Variants in CSK observed in about 807,000 individuals in gnomAD.
CSK encodes the protein C-terminal Src kinase.
In CSK, 7 loss-of-function variants were observed where a neutral mutation model predicts 62.3. The observed-to-expected ratio is 0.11, with a 90% CI of 0.06 to 0.21. The LOEUF (loss-of-function observed/expected upper bound fraction) is 0.21, where lower values mean the gene tolerates loss of function less well. Ranked by LOEUF, CSK falls within the 10% of genes least tolerant of loss-of-function variation. The probability of loss-of-function intolerance (pLI) is 1.00; values close to 1 mark genes in which losing one functional copy is unlikely to be tolerated. For synonymous variants in CSK, 237 were observed against 246.0 expected, an observed-to-expected ratio of 0.96 and a Z score of 0.34; for missense variants, 294 against 613.5, an observed-to-expected ratio of 0.48 and a Z score of 5.50.
chr15:74,786,255 A>G (rs2063521637), intron 1 of CSK, among the ~76,000 whole-genome samples: 1 of 151,984 alleles, frequency 6.6e-6, no homozygotes, highest in Admixed American at 6.6e-5. Flanking sequence ...TCCTGACCTC[A>G]GGTGATCCAC....
chr15:74,801,412 CCT>C (rs2063790770), intron 9 of CSK, 108 bp from the exon 10 acceptor site: 1 of 1,077,410 alleles, frequency 9.3e-7, no homozygotes, highest in East Asian at 2.5e-5. Flanking sequence ...CCACTCCTTC[CCT>C]GTCTCACACC....
At chr15:74,794,764 A>G (rs998088146) in intron 1 of CSK, among the ~76,000 whole-genome samples, 4 of 152,092 alleles carry the variant, frequency 2.6e-5, no homozygotes, top group East Asian at 1.9e-4. Flanking sequence ...AGGCCTGACT[A>G]TAGAGCCAGG....
At chr15:74,795,558 C>G (rs1320544617) in intron 1 of CSK, among the ~76,000 whole-genome samples, 1 of 152,162 alleles carries the variant, frequency 6.6e-6, no homozygotes, top group African/African-American at 2.4e-5. Flanking sequence ...AACAGTAGTT[C>G]CAGCCCCTCT....
chr15:74,799,898 G>C (rs1256351682), intron 5 of CSK, among the ~76,000 whole-genome samples: 1 of 152,164 alleles, frequency 6.6e-6, no homozygotes, highest in Non-Finnish European at 1.5e-5. Context: ...CGCCTTGATC[G>C]CCAGGGCCCC....
intron 1 of CSK, among the ~76,000 whole-genome samples, chr15:74,791,978 G>A (rs2063628430): frequency 6.6e-6 from 1 of 152,204 alleles, no homozygotes; most frequent in Non-Finnish European, 1.5e-5. Context: ...TGGAAGCTGT[G>A]TCTGTTCTGC....
chr15:74,797,299 TAATCCCA>T (rs1231027075), intron 1 of CSK, among the ~76,000 whole-genome samples: 2 of 152,308 alleles, frequency 1.3e-5, no homozygotes, highest in Non-Finnish European at 2.9e-5. Context: ...CTGGCACCTG[TAATCCCA>T]GCATTTTGGG....
At chr15:74,786,013 T>TTTGTGTGTGTGTGTGTG in intron 1 of CSK, among the ~76,000 whole-genome samples, 1 of 47,816 alleles carries the variant, frequency 2.1e-5, no homozygotes, top group African/African-American at 6.7e-5. Context: ...TTTTTTTTTT[T>TTTGTGTGTGTGTGTGTG]TGTGTGTGTG....
chr15:74,789,761 C>T (rs2141791754), intron 1 of CSK, among the ~76,000 whole-genome samples: 1 of 152,336 alleles, frequency 6.6e-6, no homozygotes, highest in African/African-American at 2.4e-5. Context: ...CTTCTAGCTC[C>T]TGCTCCCCTC....
chr15:74,802,548 G>A lies in CSK; in HGVS notation c.*35G>A. 6.2e-7 allele frequency: 1 copy of A among 1,601,976 alleles called. No individual in the cohort carries two copies. The highest frequency in any genetic ancestry group is 8.5e-7 in the Non-Finnish European group (1 of 1,176,976). On this transcript the variant is annotated 3_prime_UTR_variant, in exon 13 of 13. Transcript: ENST00000220003. Reference sequence around the variant, plus strand: ...TCCGCCTGGGTCATGGGCCTGTGGGGACTGAACCTGGAAGATCATGGACCT... The same window carrying A: ...TCCGCCTGGGTCATGGGCCTGTGGGAACTGAACCTGGAAGATCATGGACCT...
chr15:74,787,286 A>G (rs2076705268), intron 1 of CSK, among the ~76,000 whole-genome samples: 1 of 152,184 alleles, frequency 6.6e-6, no homozygotes, highest in South Asian at 2.1e-4. Context: ...GGGAGAAGTG[A>G]GCAGGGAGAG....
intron 1 of CSK, among the ~76,000 whole-genome samples, chr15:74,797,247 CATT>C (rs1412989459): frequency 6.6e-6 from 1 of 152,166 alleles, no homozygotes; most frequent in Non-Finnish European, 1.5e-5. Context: ...GCCTAGCCAT[CATT>C]ATGTTTTGAA....
At position 74,794,593 on chromosome 15, in the gene CSK, G is replaced by A. The variant is rs894195410; in HGVS notation, c.-65-3640G>A. On this transcript the variant is annotated intron_variant, in intron 1 of 12. Coordinates refer to ENST00000220003, the MANE Select transcript of CSK (RefSeq NM_004383.3). ...GAAGCTCTTTCATCCAGGGGATGGG[G>A]CAGGGGCGCACCAGACATTTCCAAG... is the stretch of plus-strand genomic sequence containing the variant. 2.6e-5 allele frequency among the ~76,000 whole-genome samples: 4 copies of A among 152,136 alleles called. No individual in the cohort carries two copies. In the East Asian group the frequency reaches 5.8e-4, roughly 22 times the overall value.
At chr15:74,801,493 T>C (rs371737390) in intron 9 of CSK, 29 bp from the exon 10 acceptor site, 49 of 1,599,730 alleles carry the variant, frequency 3.1e-5, no homozygotes, top group Non-Finnish European at 4.0e-5. Flanking sequence ...ACGTCTGACC[T>C]CGGCCTGGTC....
intron 1 of CSK, among the ~76,000 whole-genome samples, chr15:74,787,647 C>CACCCTCCAACCGCAGCT (rs1294308443): frequency 1.3e-5 from 2 of 152,152 alleles, no homozygotes; most frequent in African/African-American, 4.8e-5. Context: ...GCTGTGCACA[C>CACCCTCCAACCGCAGCT]ACCCTCCAAC....
Position 74,802,718 on chromosome 15 carries a change from A to C in CSK, c.*205A>C, listed in dbSNP as rs2063812441. ...TGGGGAGCCCACTGAGGGGCCAGGG[A>C]GGAAGGAGGCCACGGAGCGGGAGGC... is the stretch of plus-strand genomic sequence containing the variant. On this transcript the variant is annotated 3_prime_UTR_variant, in exon 13 of 13. Transcript: ENST00000220003. 1.7e-6 allele frequency: 1 copy of C among 586,888 alleles called. No individual in the cohort carries two copies. Among genetic ancestry groups the C allele is most frequent in the Admixed American group, 4.2e-5 (1 of 24,010 alleles). The allele number at this position is 586,888 out of a possible 1,614,324, so 36.4% of individuals were successfully genotyped here.
intron 10 of CSK, 39 bp downstream of exon 10, chr15:74,801,634 G>A: frequency 1.2e-6 from 2 of 1,611,378 alleles, no homozygotes; most frequent in Non-Finnish European, 1.7e-6. Flanking sequence ...GGGTTTGAGG[G>A]GTACCCTGCC....
rs899938609 is a variant in CSK at position 74,796,222 on chromosome 15, C to CAA, written c.-65-2001_-65-2000dup. Among the ~76,000 whole-genome samples, 181 of 139,186 alleles carry CAA rather than the reference C, an allele frequency of 1.3e-3. 1 individual carries two copies. The highest frequency in any genetic ancestry group is 5.9e-3 in the East Asian group (29 of 4,920). 91.3% of individuals were successfully genotyped at this position (139,186 alleles called of 152,430 possible). A position where few individuals can be genotyped will look rare whatever the true frequency, so the allele number is the denominator to read the frequency against. ...CCTGGGCGACAGAGTCTTGCTGTCT[C>CAA]AAAAAAAAAAAGAAAGAAAATCATA... On this transcript the variant is annotated intron_variant, in intron 1 of 12. Coordinates refer to ENST00000220003, the MANE Select transcript of CSK (RefSeq NM_004383.3).
rs1567219983 is a variant in CSK, at chr15:74,802,500, A to T, written c.1340A>T (p.Glu447Val). 1 of 1,611,312 alleles carries T rather than the reference A, an allele frequency of 6.2e-7. No homozygotes were observed. Among genetic ancestry groups the T allele is most frequent in the East Asian group, 2.2e-5 (1 of 44,632 alleles). The stretch of plus-strand genomic sequence containing the variant: ...CAGCTTGAGCACATCAAAACCCACG[A>T]GCTGCACCTGTGACGGCTGGCCTCC... ...REQLEHIKTHELHL is the reference protein window; with the variant it reads ...REQLEHIKTHVLHL Residue 447 changes from glutamate (E) to valine (V), a missense_variant, in exon 13 of 13, where the codon GAG becomes GTG. By Grantham distance (121) the Glu-to-Val change is moderately radical. Around this residue, in one of 3 missense-constraint regions of CSK, gnomAD observed 66 missense variants for 99.3 expected, o/e 0.66. Coordinates refer to ENST00000220003, the MANE Select transcript of CSK (RefSeq NM_004383.3).
At chr15:74,792,822 T>C (rs2063643524) in intron 1 of CSK, among the ~76,000 whole-genome samples, 1 of 152,228 alleles carries the variant, frequency 6.6e-6, no homozygotes, top group Admixed American at 6.5e-5. Flanking sequence ...CAAGGGCTAC[T>C]GGGAGCCGGG....
Sources: allele counts gnomAD v4.1 joint callset (sites outside exome capture counted in the v4.1 genomes callset), GRCh38; gene constraint gnomAD v4.1.1; regional missense constraint gnomAD v4.1.1; transcripts MANE v1.5; gene names NCBI Gene and HGNC (gene_info 2026-07-23, HGNC 2026-07-21).